Variants in PTPRM observed in about 807,000 individuals in gnomAD.
PTPRM encodes the protein receptor-type tyrosine-protein phosphatase mu.
A neutral mutation model predicts 186.7 loss-of-function variants in PTPRM; 47 were observed. The observed-to-expected ratio is 0.25, with a 90% CI of 0.20 to 0.32. PTPRM has a LOEUF of 0.32. Ranked by LOEUF, PTPRM falls within the 10% of genes least tolerant of loss-of-function variation. PTPRM has a pLI of 1.00. For synonymous variants in PTPRM, 668 were observed against 674.9 expected (o/e 0.99, Z 0.16); for missense variants, 1,494 against 1,865.0 (o/e 0.80, Z 3.66).
chr18:8,046,891 C>T (rs2087101324), intron 7 of PTPRM, among the ~76,000 whole-genome samples: 1 of 152,186 alleles, frequency 6.6e-6, no homozygotes, highest in Non-Finnish European at 1.5e-5. Flanking sequence ...CCTCCCCACA[C>T]TTGCTCAGGG....
At chr18:7,834,410 ATAATATATGTATATGTAAATATAAG>A (rs2045915676) in intron 2 of PTPRM, among the ~76,000 whole-genome samples, 2 of 144,398 alleles carry the variant, frequency 1.4e-5, no homozygotes, top group South Asian at 2.2e-4. Context: ...ATATATAAAT[ATAATATATGTATATGTAAATATAAG>A]TATGTATATG....
intron 13 of PTPRM, among the ~76,000 whole-genome samples, chr18:8,127,128 T>C (rs2092387124): frequency 2.0e-5 from 3 of 151,856 alleles, no homozygotes; most frequent in Admixed American, 2.0e-4. Context: ...AGTAAAACTA[T>C]AAGAAATGGA....
At chr18:8,262,973 C>T (rs1204755128) in intron 19 of PTPRM, among the ~76,000 whole-genome samples, 11 of 152,156 alleles carry the variant, frequency 7.2e-5, no homozygotes, top group Admixed American at 4.6e-4. Flanking sequence ...ATCGGGTGGG[C>T]TAGGGGTATC....
intron 1 of PTPRM, among the ~76,000 whole-genome samples, chr18:7,595,858 C>A (rs1276288020): frequency 6.6e-6 from 1 of 152,208 alleles, no homozygotes; most frequent in Non-Finnish European, 1.5e-5. Flanking sequence ...TAGAACAAAT[C>A]ACCCTAGATA....
intron 1 of PTPRM, among the ~76,000 whole-genome samples, chr18:7,618,424 A>G (rs1001487883): frequency 3.3e-5 from 5 of 152,184 alleles, no homozygotes; most frequent in Non-Finnish European, 7.4e-5. Flanking sequence ...ACTCAGATTT[A>G]TCACAGTTTG....
chr18:8,156,992 T>C (rs12969070), intron 14 of PTPRM, among the ~76,000 whole-genome samples: 6,559 of 152,174 alleles, frequency 0.043, 184 homozygotes, highest in Non-Finnish European at 0.068. Flanking sequence ...GAGAATCTTG[T>C]TAAGTTTTAG....
intron 19 of PTPRM, among the ~76,000 whole-genome samples, chr18:8,273,557 C>T (rs1022762237): frequency 3.3e-5 from 5 of 152,324 alleles, no homozygotes; most frequent in Middle Eastern, 3.4e-3. Flanking sequence ...TCTTCCTCCA[C>T]AGCTCCTGTT....
chr18:8,327,155 C>G (rs1195894654), intron 22 of PTPRM, among the ~76,000 whole-genome samples: 1 of 152,218 alleles, frequency 6.6e-6, no homozygotes, highest in Non-Finnish European at 1.5e-5. Flanking sequence ...CTGTGGAGAA[C>G]TGGCTATCCA....
chr18:8,269,678 A>G (rs1169692739), intron 19 of PTPRM, among the ~76,000 whole-genome samples: 3 of 152,116 alleles, frequency 2.0e-5, no homozygotes, highest in African/African-American at 7.2e-5. Flanking sequence ...TCCTAGCATA[A>G]AAACAGACAC....
chr18:7,805,038 C>T (rs1324097540), intron 2 of PTPRM, among the ~76,000 whole-genome samples: 1 of 152,174 alleles, frequency 6.6e-6, no homozygotes, highest in Non-Finnish European at 1.5e-5. Context: ...GTGGTTATTT[C>T]CCTGATTGGC....
chr18:7,649,659 A>T (rs547897413), intron 1 of PTPRM, among the ~76,000 whole-genome samples: 55 of 152,264 alleles, frequency 3.6e-4, no homozygotes, highest in African/African-American at 1.2e-3. Flanking sequence ...CGGGAGGCGG[A>T]TGTTGCAGTG....
chr18:7,647,146 G>A (rs1251118890), intron 1 of PTPRM, among the ~76,000 whole-genome samples: 3 of 152,154 alleles, frequency 2.0e-5, no homozygotes, highest in Non-Finnish European at 4.4e-5. Context: ...TATTGAATGA[G>A]CAATAATTTT....
At chr18:8,223,001 T>C (rs962320607) in intron 14 of PTPRM, among the ~76,000 whole-genome samples, 2 of 152,058 alleles carry the variant, frequency 1.3e-5, no homozygotes, top group Non-Finnish European at 2.9e-5. Context: ...GACGGGCAGA[T>C]CACCCTGAGG....
rs78186118 is a variant in PTPRM, at chr18:7,617,024, T to G, written c.73+49133T>G. Among the ~76,000 whole-genome samples the G allele has an allele frequency of 7.8e-3, 1,190 of 152,196 alleles. 7 individuals carry two copies. The highest frequency in any genetic ancestry group is 0.012 in the Non-Finnish European group (788 of 68,008). The stretch of plus-strand genomic sequence containing the variant: ...AGGGAGGTTCTGCATTCACAAAAAA[T>G]CAGAAGGGTATTAAACGTAATATGT... On this transcript the variant is annotated intron_variant, in intron 1 of 32. Transcript: ENST00000580170.
intron 1 of PTPRM, among the ~76,000 whole-genome samples, chr18:7,772,974 G>A (rs1259972880): frequency 6.6e-6 from 1 of 152,126 alleles, no homozygotes; most frequent in African/African-American, 2.4e-5. Flanking sequence ...GAAACATGGA[G>A]AAAAGATCTT....
At chr18:7,807,359 A>G (rs947576785) in intron 2 of PTPRM, among the ~76,000 whole-genome samples, 7 of 152,206 alleles carry the variant, frequency 4.6e-5, no homozygotes, top group African/African-American at 1.7e-4. Context: ...AGTTTATTAA[A>G]ATGCAGGATA....
intron 14 of PTPRM, among the ~76,000 whole-genome samples, chr18:8,194,836 C>G (rs1221025780): frequency 6.6e-6 from 1 of 152,220 alleles, no homozygotes; most frequent in East Asian, 1.9e-4. Flanking sequence ...GACGCAGTGT[C>G]AGTCAGCCCA....
chr18:7,639,391 CT>C (rs5822976), intron 1 of PTPRM, among the ~76,000 whole-genome samples: 143 of 142,006 alleles, frequency 1.0e-3, no homozygotes, highest in Admixed American at 1.1e-3. Flanking sequence ...ATTCTATATG[CT>C]TTTTTTTTTT....
chr18:7,579,484 G>A (rs1490520948), intron 1 of PTPRM, among the ~76,000 whole-genome samples: 1 of 152,146 alleles, frequency 6.6e-6, no homozygotes, highest in African/African-American at 2.4e-5. Flanking sequence ...ACTATAATTG[G>A]CCAGAGAGCA....
Sources: allele counts gnomAD v4.1 joint callset (sites outside exome capture counted in the v4.1 genomes callset), GRCh38; gene constraint gnomAD v4.1.1; transcripts MANE v1.5; gene names NCBI Gene and HGNC (gene_info 2026-07-23, HGNC 2026-07-21).